The following ZNF25 variants were observed in gnomAD, a reference collection of about 807,000 sequenced individuals.
The protein encoded by ZNF25 is zinc finger protein 25.
Under a neutral mutation model 30.9 loss-of-function variants are expected in ZNF25, and 21 were observed. The ratio of observed to expected loss-of-function variants is 0.68; its 90% CI spans 0.48 to 0.98. ZNF25 has a LOEUF of 0.98. ZNF25 is among the 50% of genes least tolerant of loss of function. The pLI is 0.00. For synonymous variants in ZNF25, 169 were observed against 181.3 expected, an observed-to-expected ratio of 0.93 and a Z score of 0.55; for missense variants, 501 against 529.9, an observed-to-expected ratio of 0.95 and a Z score of 0.54.
At chr10:37,956,246 T>C (rs1320041911) in intron 4 of ZNF25, among the ~76,000 whole-genome samples, 1 of 152,186 alleles carries the variant, frequency 6.6e-6, no homozygotes, top group Non-Finnish European at 1.5e-5. Flanking sequence ...AGCATACCGA[T>C]TTTTAATCTG....
intron 1 of ZNF25, among the ~76,000 whole-genome samples, chr10:37,975,989 T>C (rs889454152): frequency 6.6e-6 from 1 of 152,204 alleles, no homozygotes; most frequent in African/African-American, 2.4e-5. Flanking sequence ...TTAATAGAGA[T>C]GGTTAAGTCG....
intron 2 of ZNF25, among the ~76,000 whole-genome samples, chr10:37,969,056 T>A (rs1420729339): frequency 6.6e-6 from 1 of 151,974 alleles, no homozygotes; most frequent in Non-Finnish European, 1.5e-5. Flanking sequence ...TCTAAAGAAA[T>A]GCAATGCAAA....
chr10:37,964,028 T>C (rs906234066), intron 2 of ZNF25, among the ~76,000 whole-genome samples: 1 of 152,082 alleles, frequency 6.6e-6, no homozygotes, highest in Non-Finnish European at 1.5e-5. Flanking sequence ...CTTATCTCTC[T>C]CTCTTGCTCC....
chr10:37,965,453 C>T (rs1250835657), intron 2 of ZNF25, among the ~76,000 whole-genome samples: 1 of 152,170 alleles, frequency 6.6e-6, no homozygotes, highest in African/African-American at 2.4e-5. Flanking sequence ...GATTTCTTAA[C>T]AGAAACTGTG....
intron 4 of ZNF25, among the ~76,000 whole-genome samples, chr10:37,956,683 G>A (rs561911622): frequency 5.9e-5 from 9 of 152,136 alleles, no homozygotes; most frequent in East Asian, 3.9e-4. Flanking sequence ...TTGGGAGGCC[G>A]AGGTGGGCAG....
At chr10:37,964,928 G>A (rs1461542309) in intron 2 of ZNF25, among the ~76,000 whole-genome samples, 1 of 152,198 alleles carries the variant, frequency 6.6e-6, no homozygotes, top group Non-Finnish European at 1.5e-5. Flanking sequence ...AGGAGGAATG[G>A]TTTCAGGGGC....
chr10:37,954,787 T>C (rs2062411326), intron 4 of ZNF25, among the ~76,000 whole-genome samples: 1 of 152,160 alleles, frequency 6.6e-6, no homozygotes, highest in African/African-American at 2.4e-5. Flanking sequence ...TTCATAGCAA[T>C]GGTGGGGAAT....
chr10:37,952,429 G>A lies in ZNF25; in HGVS notation c.1069C>T (p.Leu357Phe). The A allele has an allele frequency of 1.2e-6, 2 of 1,614,054 alleles. No homozygotes were observed. The highest frequency in any genetic ancestry group is 8.5e-7 in the Non-Finnish European group (1 of 1,179,966). Residue 357 changes from leucine to phenylalanine, a missense_variant, in exon 6 of 6, where the codon CTC becomes TTC. Transcript: ENST00000302609. ...GTGTGTTTTCTCTGATGTTTAGTGA[G>A]GTCTGATTTATAGTAAAATGTTTTC... ...CGKTFYYKSD[L>F]TKHQRKHTGE...
chr10:37,953,897 A>G (rs1041437163), intron 4 of ZNF25, 139 bp from the exon 5 acceptor site: 31 of 723,226 alleles, frequency 4.3e-5, no homozygotes, highest in South Asian at 1.3e-4. Flanking sequence ...TTGTTTTGGG[A>G]AAAAAACCTA....
At chr10:37,965,062 C>T (rs1200021409) in intron 2 of ZNF25, among the ~76,000 whole-genome samples, 1 of 152,158 alleles carries the variant, frequency 6.6e-6, no homozygotes, top group African/African-American at 2.4e-5. Flanking sequence ...CAGGAGGGCA[C>T]AATCTGTAAT....
At chr10:37,959,026 G>A (rs957831468) in intron 2 of ZNF25, among the ~76,000 whole-genome samples, 18 of 152,206 alleles carry the variant, frequency 1.2e-4, no homozygotes, top group African/African-American at 4.3e-4. Flanking sequence ...TCCAGCTTGG[G>A]TGACAGAGTG....
rs531241049 is a variant in ZNF25, at chr10:37,959,977, C to T, written c.16-2431G>A. Among the ~76,000 whole-genome samples, 9 of 151,902 alleles carry T rather than the reference C, an allele frequency of 5.9e-5. No individual in the cohort carries two copies. The East Asian group carries it at 7.8e-4, about 13-fold the overall frequency. ...TCACCCAGGCTGGAGTGCAGGGGCG[C>T]GATCTTAGCTCACTGCAAGCTCTGC... On this transcript the variant is annotated intron_variant, in intron 2 of 5. Coordinates refer to ENST00000302609, the MANE Select transcript of ZNF25 (RefSeq NM_145011.4).
chr10:37,955,845 G>A lies in ZNF25; in HGVS notation c.238+1175C>T, dbSNP rs184721673. Among the ~76,000 whole-genome samples, 28 of 151,962 alleles carry A rather than the reference G, an allele frequency of 1.8e-4. 1 individual carries two copies. In the East Asian group the frequency reaches 4.5e-3, roughly 24 times the overall value. On this transcript the variant is annotated intron_variant, in intron 4 of 5. Transcript: ENST00000302609. ...ACTACAGGTGTGCACCACCAAGCCC[G>A]GCTAATTTTTGTATTTTTAGTAGAG... is the stretch of plus-strand genomic sequence containing the variant.
At position 37,971,760 on chromosome 10, in the gene ZNF25, C is replaced by G. The variant is rs1199419924; in HGVS notation, c.-38G>C. 6.2e-7 allele frequency: 1 copy of G among 1,613,500 alleles called. No homozygotes were observed. Among genetic ancestry groups the G allele is most frequent in the African/African-American group, 1.3e-5 (1 of 74,734 alleles). On this transcript the variant is annotated 5_prime_UTR_variant, in exon 2 of 6. Transcript: ENST00000302609. The stretch of plus-strand genomic sequence containing the variant: ...TTGGGAAAGGCTGAAAACTGCAAAG[C>G]CAGAGCAGAAATCATAAGGGACCTT...
chr10:37,954,656 G>A (rs547525489), intron 4 of ZNF25, among the ~76,000 whole-genome samples: 145 of 151,950 alleles, frequency 9.5e-4, no homozygotes, highest in Non-Finnish European at 1.9e-3. Flanking sequence ...ATTTACTACA[G>A]GATCTTTAAA....
At chr10:37,967,402 A>G (rs1255210875) in intron 2 of ZNF25, among the ~76,000 whole-genome samples, 8 of 151,894 alleles carry the variant, frequency 5.3e-5, no homozygotes, top group Admixed American at 5.3e-4. Flanking sequence ...CCATGTATCT[A>G]CGACCACATG....
rs776516454 is a variant in ZNF25, at chr10:37,952,892, A to C, written c.606T>G (p.Tyr202Ter). The change falls in exon 6 of 6, where the codon TAT (tyrosine) becomes TAG (stop). Residue 202 changes from tyrosine (Y) to a stop codon, truncating the protein, a stop_gained. Coordinates refer to ENST00000302609, the MANE Select transcript of ZNF25 (RefSeq NM_145011.4). LOFTEE classifies it high-confidence loss of function. ...AGGATTTTTCACACTGATTACATTC[A>C]TAGGGTTTCTCTCCTGCATGGGTTC... ...HLRTHAGEKP[Y>*]ECNQCEKSFY... is the part of the protein sequence containing the mutation. 6.2e-7 allele frequency: 1 copy of C among 1,614,198 alleles called. No individual in the cohort carries two copies. Among genetic ancestry groups the C allele is most frequent in the South Asian group, 1.1e-5 (1 of 91,090 alleles).
intron 2 of ZNF25, among the ~76,000 whole-genome samples, chr10:37,969,531 G>T (rs2063371102): frequency 6.6e-6 from 1 of 152,186 alleles, no homozygotes; most frequent in African/African-American, 2.4e-5. Context: ...CCTAATGTAT[G>T]ATCTCACTTA....
chr10:37,952,652 C>CCCTGTGTG lies in ZNF25; in HGVS notation c.838_845dup (p.Glu283ThrfsTer102), dbSNP rs2062227674. The CCCTGTGTG allele has an allele frequency of 6.2e-7, 1 of 1,612,658 alleles. No individual in the cohort carries two copies. The highest frequency in any genetic ancestry group is 1.3e-5 in the African/African-American group (1 of 74,520). ...ATTCCTTACATTTATAGGGTTTCTC[C>CCCTGTGTG]CCTGTGTGCATTCTCTGATGTACTG... On this transcript the variant is annotated frameshift_variant, in exon 6 of 6. Coordinates refer to ENST00000302609, the MANE Select transcript of ZNF25 (RefSeq NM_145011.4). LOFTEE classifies it high-confidence loss of function.
Sources: allele counts gnomAD v4.1 joint callset (sites outside exome capture counted in the v4.1 genomes callset), GRCh38; gene constraint gnomAD v4.1.1; transcripts MANE v1.5; gene names NCBI Gene and HGNC (gene_info 2026-07-23, HGNC 2026-07-21).